ZDHHC19: variants seen among roughly 807,000 people sequenced by gnomAD.
The protein encoded by ZDHHC19 is palmitoyltransferase ZDHHC19.
A neutral mutation model predicts 33.9 loss-of-function variants in ZDHHC19; 30 were observed. The observed-to-expected ratio is 0.88, with a 90% CI of 0.66 to 1.20. The LOEUF (loss-of-function observed/expected upper bound fraction) is 1.20, where lower values mean the gene tolerates loss of function less well. Ranked by LOEUF, ZDHHC19 falls within the 50% of genes most tolerant of loss-of-function variation. ZDHHC19 has a pLI of 0.00. For missense variants in ZDHHC19, 364 were observed against 401.1 expected, an observed-to-expected ratio of 0.91 and a Z score of 0.79; for synonymous variants, 178 against 167.6, an observed-to-expected ratio of 1.06 and a Z score of -0.48.
chr3:196,202,903 T>C (rs950537512), intron 5 of ZDHHC19, among the ~76,000 whole-genome samples: 2 of 151,968 alleles, frequency 1.3e-5, no homozygotes, highest in African/African-American at 4.8e-5. Context: ...AGGCTGGCGA[T>C]GTTAAGGGAG....
At chr3:196,205,958 C>G (rs1364995372) in intron 5 of ZDHHC19, among the ~76,000 whole-genome samples, 1 of 150,868 alleles carries the variant, frequency 6.6e-6, no homozygotes, top group Non-Finnish European at 1.5e-5. Context: ...GGCCATGCAC[C>G]CGTCCAATAA....
chr3:196,210,874 C>T, intron 1 of ZDHHC19, 137 bp from the exon 2 acceptor site: 1 of 1,345,106 alleles, frequency 7.4e-7, no homozygotes, highest in Non-Finnish European at 1.0e-6. Flanking sequence ...CCCAGGCAGA[C>T]TCATAATGGC....
At chr3:196,205,231 T>A (rs1204065138) in intron 5 of ZDHHC19, among the ~76,000 whole-genome samples, 1 of 152,094 alleles carries the variant, frequency 6.6e-6, no homozygotes, top group African/African-American at 2.4e-5. Flanking sequence ...TTTATTATAA[T>A]CCCCCAAACT....
At chr3:196,210,436 GAAAGAAAGA>G (rs1723190078) in intron 2 of ZDHHC19, among the ~76,000 whole-genome samples, 171 bp downstream of exon 2, 1 of 56,684 alleles carries the variant, frequency 1.8e-5, no homozygotes, top group Non-Finnish European at 3.4e-5. Context: ...GAAAGAAAGA[GAAAGAAAGA>G]AAGAAAAGAG....
At chr3:196,200,477 C>T (rs1279914075) in intron 5 of ZDHHC19, among the ~76,000 whole-genome samples, 1 of 148,320 alleles carries the variant, frequency 6.7e-6, no homozygotes, top group Admixed American at 6.7e-5. Flanking sequence ...GCCTCAGCCT[C>T]CCAAGTAGCT....
intron 3 of ZDHHC19, 54 bp from the exon 4 acceptor site, chr3:196,208,614 C>T: frequency 6.3e-7 from 1 of 1,581,482 alleles, no homozygotes. Context: ...GGCCCAAATT[C>T]CATCACCCCA....
At chr3:196,199,000 G>T (rs1422555683) in intron 5 of ZDHHC19, 126 bp from the exon 6 acceptor site, 1 of 890,260 alleles carries the variant, frequency 1.1e-6, no homozygotes, top group Non-Finnish European at 1.8e-6. Context: ...CAAGCTGGAG[G>T]CCAGGAGACT....
At chr3:196,199,273 G>A (rs13434002) in intron 5 of ZDHHC19, 299 of 206,952 alleles carry the variant, frequency 1.4e-3, no homozygotes, top group Non-Finnish European at 2.3e-3. Flanking sequence ...TCTCCCCTTC[G>A]CCCACTCACT....
At chr3:196,209,032 C>T in intron 3 of ZDHHC19, 1 of 319,322 alleles carries the variant, frequency 3.1e-6, no homozygotes, top group Non-Finnish European at 5.8e-6. Flanking sequence ...GGCAAGGCCT[C>T]CCAGACCAGG....
chr3:196,207,441 TG>T lies in ZDHHC19; in HGVS notation c.643del (p.Gln215ArgfsTer5), dbSNP rs1219873391. 4.4e-6 allele frequency: 7 copies of T among 1,575,104 alleles called. No homozygotes were observed. The highest frequency in any genetic ancestry group is 6.0e-6 in the Non-Finnish European group (7 of 1,161,358). ...GTCGGCCGAGCTCACGGACAGTGCCTGGATCAGCAGCAGGAGGGACAGCGGC... is the reference window on the plus strand; with the variant it reads ...GTCGGCCGAGCTCACGGACAGTGCCTGATCAGCAGCAGGAGGGACAGCGGC... ...LVPLSLLLLI[Q>X]ALSVSSADRT... On this transcript the variant is annotated frameshift_variant, in exon 5 of 8. Transcript: ENST00000296326. LOFTEE classifies it high-confidence loss of function.
At position 196,203,130 on chromosome 3, in the gene ZDHHC19, G is replaced by A. The variant is rs571921848; in HGVS notation, c.688-4256C>T. On this transcript the variant is annotated intron_variant, in intron 5 of 7. Transcript: ENST00000296326. This position sits in a 1 kb window ranked among gnomAD's most constrained non-coding sequence, Gnocchi z 4.3. The stretch of plus-strand genomic sequence containing the variant: ...CAAAAAATCAGGTGGGCATGGTGAC[G>A]TGCACCTGTAATTCCAGCTACTCGG... Among the ~76,000 whole-genome samples the A allele has an allele frequency of 1.3e-4, 19 of 151,920 alleles. No individual in the cohort carries two copies. In the South Asian group the frequency reaches 2.5e-3, roughly 20 times the overall value.
At chr3:196,209,249 TGCCACCCTTG>T in intron 3 of ZDHHC19, 117 bp downstream of exon 3, 1 of 1,326,940 alleles carries the variant, frequency 7.5e-7, no homozygotes, top group Non-Finnish European at 1.0e-6. Context: ...TGGGAGTTAC[TGCCACCCTTG>T]GCCTTTAGCA....
Position 196,203,323 on chromosome 3 carries a change from G to A in ZDHHC19, c.687+4075C>T, listed in dbSNP as rs935980014. ...GGTATTAATAGTAGCGACATCTAGA[G>A]CACTCACTTGTACCAGCTGCTACTC... On this transcript the variant is annotated intron_variant, in intron 5 of 7. Coordinates refer to ENST00000296326, the MANE Select transcript of ZDHHC19 (RefSeq NM_001039617.2). The surrounding 1 kb of genome is among the most constrained non-coding windows in gnomAD (Gnocchi z 4.3). Among the ~76,000 whole-genome samples the A allele has an allele frequency of 7.9e-5, 12 of 152,166 alleles. No individual in the cohort carries two copies. The highest frequency in any genetic ancestry group is 1.6e-4 in the Non-Finnish European group (11 of 68,034).
At chr3:196,202,839 C>T (rs1387808393) in intron 5 of ZDHHC19, among the ~76,000 whole-genome samples, 1 of 152,194 alleles carries the variant, frequency 6.6e-6, no homozygotes, top group Non-Finnish European at 1.5e-5. Context: ...TGAGCACTGC[C>T]GGCCCTGTCA....
rs1003254198 is a variant in ZDHHC19 at position 196,204,217 on chromosome 3, A to C, written c.687+3181T>G. ...ATGGCAGGATTCAACACCAATTCAA[A>C]AAAATCCATTGTATTTCCTTATAAT... On this transcript the variant is annotated intron_variant, in intron 5 of 7. Coordinates refer to ENST00000296326, the MANE Select transcript of ZDHHC19 (RefSeq NM_001039617.2). Among the ~76,000 whole-genome samples, 3 of 152,250 alleles carry C rather than the reference A, an allele frequency of 2.0e-5. No individual in the cohort carries two copies. The South Asian group carries it at 6.2e-4, about 31-fold the overall frequency.
chr3:196,198,070 G>C lies in ZDHHC19; in HGVS notation c.*19+206C>G, dbSNP rs185900509. On this transcript the variant is annotated intron_variant, in intron 7 of 7. Transcript: ENST00000296326. ...GGGGAGTCATCCTCCATTTGTCTTT[G>C]TGACTCCAGGGACTCCTGGGTGTAT... Among the ~76,000 whole-genome samples, 496 of 152,214 alleles carry C rather than the reference G, an allele frequency of 3.3e-3. 1 individual carries two copies. Among genetic ancestry groups the C allele is most frequent in the South Asian group, 5.8e-3 (28 of 4,818 alleles).
Position 196,198,291 on chromosome 3 carries a change from A to C in ZDHHC19, c.*4T>G, listed in dbSNP as rs748781748. Reference sequence around the variant, plus strand: ...CGCTTCTTACCTCCTGGAGAGCTGCAGCCTCACCACGCCCCGGGGGTCCCT... The same window carrying C: ...CGCTTCTTACCTCCTGGAGAGCTGCCGCCTCACCACGCCCCGGGGGTCCCT... On this transcript the variant is annotated 3_prime_UTR_variant, in exon 7 of 8. Coordinates refer to ENST00000296326, the MANE Select transcript of ZDHHC19 (RefSeq NM_001039617.2). 1 of 1,501,670 alleles carries C rather than the reference A, an allele frequency of 6.7e-7. No homozygotes were observed. Among genetic ancestry groups the C allele is most frequent in the South Asian group, 1.4e-5 (1 of 72,156 alleles). The allele number at this position is 1,501,670 out of a possible 1,614,324, so 93.0% of individuals were successfully genotyped here. A position where few individuals can be genotyped will look rare whatever the true frequency, so the allele number is the denominator to read the frequency against.
intron 5 of ZDHHC19, among the ~76,000 whole-genome samples, chr3:196,206,008 T>G (rs536908087): frequency 6.6e-6 from 1 of 151,940 alleles, no homozygotes; most frequent in Non-Finnish European, 1.5e-5. Flanking sequence ...TCTCATACCA[T>G]GATTTCATCA....
chr3:196,210,330 A>C (rs1723150010), intron 2 of ZDHHC19, among the ~76,000 whole-genome samples: 1 of 134,618 alleles, frequency 7.4e-6, no homozygotes, highest in African/African-American at 2.7e-5. Flanking sequence ...AGAAGGAAAG[A>C]AAGAAAGAAA....
Sources: allele counts gnomAD v4.1 joint callset (sites outside exome capture counted in the v4.1 genomes callset), GRCh38; gene constraint gnomAD v4.1.1; non-coding constraint Gnocchi (gnomAD v3.1); transcripts MANE v1.5; gene names NCBI Gene and HGNC (gene_info 2026-07-23, HGNC 2026-07-21).